ASIC2: variants seen among roughly 807,000 people sequenced by gnomAD.
ASIC2 encodes the protein acid-sensing ion channel 2.
A neutral mutation model predicts 57.3 loss-of-function variants in ASIC2; 25 were observed. That is an observed-to-expected ratio of 0.44 (90% confidence interval 0.32 to 0.61). ASIC2 has a LOEUF of 0.61. ASIC2 is among the 20% of genes least tolerant of loss of function. ASIC2 has a pLI of 0.06. For synonymous variants in ASIC2, 319 were observed against 307.5 expected, an observed-to-expected ratio of 1.04 and a Z score of -0.39; for missense variants, 641 against 738.1, an observed-to-expected ratio of 0.87 and a Z score of 1.52.
intron 1 of ASIC2, among the ~76,000 whole-genome samples, chr17:33,925,795 A>G (rs1012935810): frequency 6.6e-6 from 1 of 152,188 alleles, no homozygotes; most frequent in African/African-American, 2.4e-5. Flanking sequence ...GCTGCAATCC[A>G]TTGACAGCAC....
chr17:34,119,492 T>A (rs1911532014), intron 1 of ASIC2, among the ~76,000 whole-genome samples: 1 of 152,154 alleles, frequency 6.6e-6, no homozygotes, highest in South Asian at 2.1e-4. Flanking sequence ...CTTTACCTCT[T>A]ATTTTGTGTG....
At chr17:34,004,290 C>G (rs967232907) in intron 1 of ASIC2, 10 of 152,248 alleles carry the variant, frequency 6.6e-5, no homozygotes, top group Admixed American at 3.3e-4. Flanking sequence ...CATAAACCAT[C>G]TAGGAATGCG....
At chr17:33,325,811 C>G (rs1405247746) in intron 1 of ASIC2, among the ~76,000 whole-genome samples, 1 of 151,840 alleles carries the variant, frequency 6.6e-6, no homozygotes, top group Non-Finnish European at 1.5e-5. Context: ...GAGATTTGAA[C>G]TATATTTTGG....
intron 1 of ASIC2, among the ~76,000 whole-genome samples, chr17:33,718,672 G>C (rs916975689): frequency 6.6e-6 from 1 of 152,148 alleles, no homozygotes; most frequent in Admixed American, 6.5e-5. Flanking sequence ...CAGAGAGAAG[G>C]GGCAAAGAAA....
intron 4 of ASIC2, among the ~76,000 whole-genome samples, chr17:33,027,079 A>G (rs977894470): frequency 6.6e-6 from 1 of 152,128 alleles, no homozygotes; most frequent in Non-Finnish European, 1.5e-5. Flanking sequence ...GTTCTTTTTG[A>G]AGGCTGTAGG....
chr17:33,285,841 A>T (rs1905143053), intron 1 of ASIC2, among the ~76,000 whole-genome samples: 1 of 152,224 alleles, frequency 6.6e-6, no homozygotes, highest in South Asian at 2.1e-4. Flanking sequence ...CAGAATTGAG[A>T]TGACATGAAA....
intron 1 of ASIC2, among the ~76,000 whole-genome samples, chr17:33,678,013 T>C (rs1907880485): frequency 6.6e-6 from 1 of 152,182 alleles, no homozygotes; most frequent in Non-Finnish European, 1.5e-5. Context: ...GAAGGGTCAG[T>C]CTACATGGCA....
At chr17:33,823,235 T>G (rs1485628884) in intron 1 of ASIC2, among the ~76,000 whole-genome samples, 1 of 152,174 alleles carries the variant, frequency 6.6e-6, no homozygotes, top group African/African-American at 2.4e-5. Context: ...ACAGGCAGGA[T>G]GAGATTTGAA....
chr17:33,770,810 G>A (rs1335664663), intron 1 of ASIC2, among the ~76,000 whole-genome samples: 1 of 152,096 alleles, frequency 6.6e-6, no homozygotes, highest in Non-Finnish European at 1.5e-5. Flanking sequence ...TTTCCCCCCT[G>A]GGACTGTAGC....
At chr17:33,131,944 T>C (rs1377943146) in intron 1 of ASIC2, among the ~76,000 whole-genome samples, 1 of 151,784 alleles carries the variant, frequency 6.6e-6, no homozygotes, top group Admixed American at 6.6e-5. Context: ...TCAGAGGAAA[T>C]GGGGCCAGAT....
intron 1 of ASIC2, among the ~76,000 whole-genome samples, chr17:33,879,136 C>G (rs1189591138): frequency 2.6e-5 from 4 of 152,252 alleles, no homozygotes; most frequent in South Asian, 2.1e-4. Context: ...ACAACCGGTA[C>G]CAGCCACTGC....
At chr17:33,235,973 A>T (rs911634451) in intron 1 of ASIC2, among the ~76,000 whole-genome samples, 4 of 152,044 alleles carry the variant, frequency 2.6e-5, no homozygotes, top group South Asian at 4.2e-4. Flanking sequence ...AGTAGCTGGA[A>T]CTACAGGCGT....
chr17:33,710,448 G>C (rs1334793656), intron 1 of ASIC2, among the ~76,000 whole-genome samples: 2 of 152,230 alleles, frequency 1.3e-5, no homozygotes, highest in Non-Finnish European at 2.9e-5. Context: ...CACTCTGTAG[G>C]AGCTATGATC....
At chr17:34,136,172 C>T (rs1237011463) in intron 1 of ASIC2, among the ~76,000 whole-genome samples, 1 of 152,160 alleles carries the variant, frequency 6.6e-6, no homozygotes, top group Non-Finnish European at 1.5e-5. Flanking sequence ...CAATAACATA[C>T]TAAACTCCAA....
chr17:33,881,048 C>T lies in ASIC2; in HGVS notation c.555+274930G>A, dbSNP rs563325059. Among the ~76,000 whole-genome samples, 13 of 152,242 alleles carry T rather than the reference C, an allele frequency of 8.5e-5. No individual in the cohort carries two copies. In the South Asian group the frequency reaches 2.1e-3, roughly 24 times the overall value. On this transcript the variant is annotated intron_variant, in intron 1 of 9. Transcript: ENST00000359872. Reference sequence around the variant, plus strand: ...CAATAGATGCAGAAAAGGCCTTTGACAAAATTCAACAGCCCTTCATGCTAA... The same window carrying T: ...CAATAGATGCAGAAAAGGCCTTTGATAAAATTCAACAGCCCTTCATGCTAA...
At chr17:33,902,244 T>C (rs1915245753) in intron 1 of ASIC2, among the ~76,000 whole-genome samples, 1 of 152,176 alleles carries the variant, frequency 6.6e-6, no homozygotes, top group African/African-American at 2.4e-5. Context: ...AATTATTTTG[T>C]AAGCTACCTA....
intron 1 of ASIC2, among the ~76,000 whole-genome samples, chr17:33,422,575 G>A (rs1911082763): frequency 6.6e-6 from 1 of 152,106 alleles, no homozygotes; most frequent in Non-Finnish European, 1.5e-5. Flanking sequence ...CTCCAGTAGA[G>A]TCTCTCCAAC....
intron 1 of ASIC2, among the ~76,000 whole-genome samples, chr17:34,138,108 T>G (rs919763397): frequency 6.6e-6 from 1 of 152,198 alleles, no homozygotes; most frequent in African/African-American, 2.4e-5. Flanking sequence ...CTCTTCTTCA[T>G]GCACCCCACC....
At chr17:33,086,876 C>T (rs1000845257) in intron 3 of ASIC2, among the ~76,000 whole-genome samples, 7 of 152,078 alleles carry the variant, frequency 4.6e-5, no homozygotes, top group Admixed American at 1.3e-4. Flanking sequence ...AGCACCCAAG[C>T]CCCTTCCTGT....
Sources: gnomAD v4.1 joint callset for allele counts (sites outside exome capture counted in the v4.1 genomes callset) on GRCh38, gnomAD v4.1.1 for gene constraint, MANE v1.5 for transcripts, NCBI Gene and HGNC (gene_info 2026-07-23, HGNC 2026-07-21) for gene names.